The following HELLS variants were observed in gnomAD, a reference collection of about 807,000 sequenced individuals.
The protein encoded by HELLS is lymphoid-specific helicase.
Under a neutral mutation model 120.0 loss-of-function variants are expected in HELLS, and 32 were observed. The observed-to-expected ratio is 0.27, with a 90% CI of 0.20 to 0.36. The LOEUF is 0.36. Ranked by LOEUF, HELLS falls within the 10% of genes least tolerant of loss-of-function variation. HELLS has a pLI of 1.00. For synonymous variants in HELLS, 341 were observed against 323.4 expected, an observed-to-expected ratio of 1.05 and a Z score of -0.58; for missense variants, 650 against 993.4, an observed-to-expected ratio of 0.65 and a Z score of 4.65.
chr10:94,546,225 T>TAA, intron 1 of HELLS, 152 bp from the exon 2 acceptor site: 1 of 912,126 alleles, frequency 1.1e-6, no homozygotes, highest in Non-Finnish European at 1.7e-6. Context: ...TGTGAAGACT[T>TAA]ACGGTGTCTT....
chr10:94,561,075 C>CA lies in HELLS; in HGVS notation c.334-1606dup, dbSNP rs35118357. On this transcript the variant is annotated intron_variant, in intron 4 of 21. Transcript: ENST00000348459. Reference sequence around the variant, plus strand: ...TGTCTCAAAAAAAAAAACAAAAAAACAAAAAAAAAACCCTCTGATCCTTGA... The same window carrying CA: ...TGTCTCAAAAAAAAAAACAAAAAAACAAAAAAAAAAACCCTCTGATCCTTGA... Among the ~76,000 whole-genome samples the CA allele has an allele frequency of 1.7e-3, 248 of 146,196 alleles. 1 individual carries two copies. Among genetic ancestry groups the CA allele is most frequent in the Middle Eastern group, 0.014 (4 of 286 alleles).
chr10:94,576,927 A>G, intron 10 of HELLS, 122 bp downstream of exon 10: 1 of 768,610 alleles, frequency 1.3e-6, no homozygotes, highest in South Asian at 2.0e-5. Context: ...ATAATAGATT[A>G]TATTGTGCAT....
At chr10:94,578,190 C>T (rs567361919) in intron 10 of HELLS, among the ~76,000 whole-genome samples, 2 of 151,048 alleles carry the variant, frequency 1.3e-5, no homozygotes, top group African/African-American at 4.9e-5. Context: ...GCTGTGATTG[C>T]GCCACTGCAC....
chr10:94,584,066 T>G, intron 12 of HELLS: 1 of 1,375,078 alleles, frequency 7.3e-7, no homozygotes, highest in Non-Finnish European at 9.9e-7. Context: ...CAGAAAAGAT[T>G]TATATGATAT....
chr10:94,594,115 T>C (rs185105376), intron 18 of HELLS, among the ~76,000 whole-genome samples: 15 of 152,250 alleles, frequency 9.9e-5, no homozygotes, highest in East Asian at 1.9e-4. Context: ...AATTTACTTA[T>C]CTATTTTGAA....
chr10:94,607,066 G>C (rs1012645973), downstream of HELLS, among the ~76,000 whole-genome samples: 5 of 152,150 alleles, frequency 3.3e-5, no homozygotes, highest in Non-Finnish European at 5.9e-5. Flanking sequence ...GACTTCCTCA[G>C]TTTTCAGTAA....
At position 94,558,194 on chromosome 10, in the gene HELLS, A is replaced by C. The variant is rs1387380731; in HGVS notation, c.332A>C (p.Lys111Thr). ...ERKKESLKVKKGKNSIDASEE... is the reference protein window; with the variant it reads ...ERKKESLKVKTGKNSIDASEE... Reference sequence around the variant, plus strand: ...AAAAAGGAGTCTTTAAAAGTTAAAAAGGTAATATAGCCAGCCGGAATATTT... The same window carrying C: ...AAAAAGGAGTCTTTAAAAGTTAAAACGGTAATATAGCCAGCCGGAATATTT... Residue 111 changes from lysine (K) to threonine (T), a missense_variant and splice_region_variant, in exon 4 of 22, where the codon AAG becomes ACG. This residue lies in a region of HELLS where 113 missense variants were observed against 120.7 expected (regional missense o/e 0.94). Transcript: ENST00000348459. 6.4e-7 allele frequency: 1 copy of C among 1,562,112 alleles called. No homozygotes were observed. The highest frequency in any genetic ancestry group is 1.4e-5 in the African/African-American group (1 of 72,032).
intron 7 of HELLS, among the ~76,000 whole-genome samples, chr10:94,572,080 T>G (rs1483291181): frequency 6.6e-6 from 1 of 152,224 alleles, no homozygotes; most frequent in East Asian, 1.9e-4. Context: ...TATAATTTTG[T>G]CCAAAATTTA....
At chr10:94,576,912 T>G (rs942858452) in intron 10 of HELLS, 107 bp downstream of exon 10, 7 of 986,166 alleles carry the variant, frequency 7.1e-6, no homozygotes, top group Non-Finnish European at 1.1e-5. Context: ...TTTTTTGTTG[T>G]CGAAATAATA....
At chr10:94,557,709 C>G (rs1843337035) in intron 3 of HELLS, among the ~76,000 whole-genome samples, 1 of 152,176 alleles carries the variant, frequency 6.6e-6, no homozygotes, top group African/African-American at 2.4e-5. Context: ...CAGCTTTGTC[C>G]TCTCTGGTAC....
chr10:94,568,243 A>G (rs1161578148), intron 6 of HELLS, among the ~76,000 whole-genome samples: 3 of 146,526 alleles, frequency 2.0e-5, no homozygotes, highest in African/African-American at 7.6e-5. Flanking sequence ...GCCTGTGCAT[A>G]TTTCCTTACA....
At chr10:94,552,397 T>C (rs1843028289) in intron 2 of HELLS, among the ~76,000 whole-genome samples, 1 of 152,212 alleles carries the variant, frequency 6.6e-6, no homozygotes, top group Non-Finnish European at 1.5e-5. Flanking sequence ...AACTTGAGTT[T>C]TTCTGCTCTC....
At chr10:94,598,631 G>A (rs1298450663) in intron 21 of HELLS, among the ~76,000 whole-genome samples, 2 of 142,204 alleles carry the variant, frequency 1.4e-5, no homozygotes, top group Non-Finnish European at 3.0e-5. Flanking sequence ...TTTTTAATCA[G>A]ATGTATTTTC....
chr10:94,611,321 A>G (rs1435158973), exon 10 of HELLS: 1 of 152,198 alleles, frequency 6.6e-6, no homozygotes, highest in African/African-American at 2.4e-5. Flanking sequence ...CATCTCAAGG[A>G]CATGGTAAGT....
chr10:94,552,135 T>G (rs1843009047), intron 2 of HELLS, among the ~76,000 whole-genome samples: 1 of 152,208 alleles, frequency 6.6e-6, no homozygotes, highest in Non-Finnish European at 1.5e-5. Flanking sequence ...AGTTAGATTT[T>G]ATTGGTTGAC....
chr10:94,599,247 C>T (rs1845908566), intron 21 of HELLS, among the ~76,000 whole-genome samples: 2 of 152,162 alleles, frequency 1.3e-5, no homozygotes, highest in Admixed American at 1.3e-4. Flanking sequence ...CATGTAAGGA[C>T]TGTTTAACAT....
chr10:94,546,925 G>T (rs78207147), intron 2 of HELLS, among the ~76,000 whole-genome samples: 6,479 of 152,260 alleles, frequency 0.043, 488 homozygotes, highest in African/African-American at 0.15. Flanking sequence ...ATCAATCAAA[G>T]GCTGGGCTGG....
At chr10:94,553,440 G>A (rs1843082028) in intron 2 of HELLS, among the ~76,000 whole-genome samples, 1 of 151,764 alleles carries the variant, frequency 6.6e-6, no homozygotes, top group South Asian at 2.1e-4. Context: ...GTAGAGATGG[G>A]GTTTCACCAT....
At chr10:94,603,831 TCC>T (rs1564623432), downstream of HELLS, among the ~76,000 whole-genome samples, 72 of 151,400 alleles carry the variant, frequency 4.8e-4, no homozygotes, top group East Asian at 0.012. Context: ...TTTCTTTCTT[TCC>T]TTTTTTTCCC....
Sources: allele counts gnomAD v4.1 joint callset (sites outside exome capture counted in the v4.1 genomes callset), GRCh38; gene constraint gnomAD v4.1.1; regional missense constraint gnomAD v4.1.1; transcripts MANE v1.5; gene names NCBI Gene and HGNC (gene_info 2026-07-23, HGNC 2026-07-21).